Variants in SCNN1B observed in about 807,000 individuals in gnomAD.
SCNN1B encodes epithelial sodium channel subunit beta.
A neutral mutation model predicts 65.3 loss-of-function variants in SCNN1B; 46 were observed. The observed-to-expected ratio is 0.70, with a 90% confidence interval of 0.56 to 0.90. The LOEUF (loss-of-function observed/expected upper bound fraction) is 0.90. Ranked by LOEUF, SCNN1B falls within the 40% of genes least tolerant of loss-of-function variation. The pLI is 0.00. For missense variants in SCNN1B, 751 were observed against 830.5 expected, an observed-to-expected ratio of 0.90 and a Z score of 1.18; for synonymous variants, 349 against 330.6, an observed-to-expected ratio of 1.06 and a Z score of -0.60.
chr16:23,286,056 A>G (rs942837750), intron 2 of SCNN1B, among the ~76,000 whole-genome samples: 1 of 152,208 alleles, frequency 6.6e-6, no homozygotes, highest in African/African-American at 2.4e-5. Context: ...TAAAAGAGAA[A>G]GAGAAAACAG....
At chr16:23,356,486 T>G (rs1216293038) in intron 4 of SCNN1B, among the ~76,000 whole-genome samples, 1 of 151,936 alleles carries the variant, frequency 6.6e-6, no homozygotes, top group East Asian at 1.9e-4. Context: ...CAGCCAGATA[T>G]AGTCATGCTC....
At chr16:23,329,898 T>G (rs1322692175) in intron 1 of SCNN1B, among the ~76,000 whole-genome samples, 2 of 152,122 alleles carry the variant, frequency 1.3e-5, no homozygotes, top group African/African-American at 4.8e-5. Context: ...TGGTGGCATG[T>G]GCCTGTGGTC....
Position 23,289,850 on chromosome 16 carries a change from A to G in SCNN1B, n.178+6046A>G, listed in dbSNP as rs1276571469. 2.6e-5 allele frequency among the ~76,000 whole-genome samples: 4 copies of G among 151,634 alleles called. No individual in the cohort carries two copies. In the East Asian group the frequency reaches 7.7e-4, roughly 29 times the overall value. Reference sequence around the variant, plus strand: ...GCCACCACGCCTGGTTAATTTTTGTATTTTTAGTAGAGACGGGGTTTCACC... The same window carrying G: ...GCCACCACGCCTGGTTAATTTTTGTGTTTTTAGTAGAGACGGGGTTTCACC... On this transcript the variant is annotated intron_variant and non_coding_transcript_variant, in intron 2 of 3. Transcript: ENST00000569789.
chr16:23,285,698 G>A (rs1457595068), intron 2 of SCNN1B, among the ~76,000 whole-genome samples: 1 of 152,154 alleles, frequency 6.6e-6, no homozygotes, highest in Non-Finnish European at 1.5e-5. Context: ...AATAGTCTGG[G>A]CACAGTGGCT....
At chr16:23,325,682 G>C (rs1961681199) in intron 1 of SCNN1B, among the ~76,000 whole-genome samples, 1 of 151,950 alleles carries the variant, frequency 6.6e-6, no homozygotes, top group African/African-American at 2.4e-5. Context: ...ACAAACCCCT[G>C]TTCTGCCAAA....
At chr16:23,339,671 T>C (rs1279881226) in intron 1 of SCNN1B, among the ~76,000 whole-genome samples, 1 of 152,078 alleles carries the variant, frequency 6.6e-6, no homozygotes, top group Non-Finnish European at 1.5e-5. Flanking sequence ...GCTCAAGCGA[T>C]TCTCCTGTCT....
At chr16:23,325,932 A>T (rs775747546) in intron 1 of SCNN1B, among the ~76,000 whole-genome samples, 12 of 150,820 alleles carry the variant, frequency 8.0e-5, no homozygotes, top group Non-Finnish European at 1.8e-4. Flanking sequence ...TATAAATAAA[A>T]GCCACACAGC....
intron 2 of SCNN1B, among the ~76,000 whole-genome samples, chr16:23,288,869 C>T (rs1960886390): frequency 6.6e-6 from 1 of 152,130 alleles, no homozygotes; most frequent in African/African-American, 2.4e-5. Flanking sequence ...GATTCAGTTC[C>T]TCAAGAGTTG....
At chr16:23,301,940 G>A (rs1389895950), upstream of SCNN1B, among the ~76,000 whole-genome samples, 2 of 152,172 alleles carry the variant, frequency 1.3e-5, no homozygotes, top group African/African-American at 4.8e-5. Flanking sequence ...TGGTGAGCGC[G>A]ATGCTTCGCC....
intron 4 of SCNN1B, among the ~76,000 whole-genome samples, chr16:23,360,591 G>GTTTT (rs35772167): frequency 1.3e-4 from 12 of 95,272 alleles, no homozygotes; most frequent in African/African-American, 1.6e-4. Context: ...GGTGGTGGTG[G>GTTTT]TTTTTTTTTT....
At chr16:23,334,815 A>AC (rs778621009) in intron 1 of SCNN1B, among the ~76,000 whole-genome samples, 18 of 152,348 alleles carry the variant, frequency 1.2e-4, no homozygotes, top group Non-Finnish European at 2.5e-4. Flanking sequence ...ATGGGCTGTC[A>AC]CATTTTAAAT....
intron 1 of SCNN1B, among the ~76,000 whole-genome samples, chr16:23,334,362 T>C (rs1044861486): frequency 4.6e-5 from 7 of 152,248 alleles, no homozygotes; most frequent in Non-Finnish European, 1.0e-4. Context: ...TCTAAACCAG[T>C]GCTTTCCAGC....
chr16:23,293,114 CAAAAAAAA>C (rs1191618996), intron 2 of SCNN1B, among the ~76,000 whole-genome samples: 4 of 34,160 alleles, frequency 1.2e-4, no homozygotes, highest in South Asian at 5.1e-3. Context: ...GACTCATTCT[CAAAAAAAA>C]AAAAAAAAAA....
At chr16:23,324,705 C>A (rs559646750) in intron 1 of SCNN1B, among the ~76,000 whole-genome samples, 1 of 152,314 alleles carries the variant, frequency 6.6e-6, no homozygotes, top group South Asian at 2.1e-4. Flanking sequence ...CCACCCCACA[C>A]ACACACGCCC....
At chr16:23,340,751 T>TA (rs1962038354) in intron 1 of SCNN1B, among the ~76,000 whole-genome samples, 22 of 152,190 alleles carry the variant, frequency 1.4e-4, no homozygotes, top group Admixed American at 1.4e-3. Context: ...CTATCAGAGC[T>TA]CCTTAATCCA....
intron 1 of SCNN1B, among the ~76,000 whole-genome samples, chr16:23,326,093 A>G (rs1215442165): frequency 6.6e-6 from 1 of 151,722 alleles, no homozygotes; most frequent in Non-Finnish European, 1.5e-5. Context: ...ACAAAACAAA[A>G]AAATTCTTGG....
rs375026039 is a variant in SCNN1B at position 23,311,827 on chromosome 16, G to A, written c.-9+9390G>A. ...CTGGCTCATTAATGGGGCCAGGAGG[G>A]GAGTGTTGGAGAGGAAAGGAGATAG... is the stretch of plus-strand genomic sequence containing the variant. On this transcript the variant is annotated intron_variant, in intron 1 of 12. Transcript: ENST00000343070. Among the ~76,000 whole-genome samples the A allele has an allele frequency of 2.6e-5, 4 of 152,284 alleles. No homozygotes were observed. The East Asian group carries it at 7.7e-4, about 29-fold the overall frequency.
intron 2 of SCNN1B, among the ~76,000 whole-genome samples, chr16:23,294,257 G>A (rs781268391): frequency 1.3e-5 from 2 of 151,766 alleles, no homozygotes; most frequent in Admixed American, 6.6e-5. Context: ...TTAGCCACGC[G>A]AGATGGCGTG....
chr16:23,379,293 C>T (rs551631348), intron 11 of SCNN1B, among the ~76,000 whole-genome samples: 2 of 152,198 alleles, frequency 1.3e-5, no homozygotes, highest in South Asian at 2.1e-4. Flanking sequence ...TAGTTGAGCA[C>T]AAGAAAGACA....
Sources: allele counts gnomAD v4.1 joint callset (sites outside exome capture counted in the v4.1 genomes callset), GRCh38; gene constraint gnomAD v4.1.1; transcripts MANE v1.5; gene names NCBI Gene and HGNC (gene_info 2026-07-23, HGNC 2026-07-21).